The following MRPL1 variants were observed in gnomAD, a reference collection of about 807,000 sequenced individuals.
MRPL1 encodes large ribosomal subunit protein uL1m.
Under a neutral mutation model 38.0 loss-of-function variants are expected in MRPL1, and 28 were observed. That is an observed-to-expected ratio of 0.74 (90% CI 0.55 to 1.01). The LOEUF (loss-of-function observed/expected upper bound fraction) is 1.01, where lower values mean the gene tolerates loss of function less well. Ranked by LOEUF, MRPL1 falls within the 50% of genes least tolerant of loss-of-function variation. The pLI is 0.00. For synonymous variants in MRPL1, 123 were observed against 126.7 expected, an observed-to-expected ratio of 0.97 and a Z score of 0.20; for missense variants, 358 against 389.8, an observed-to-expected ratio of 0.92 and a Z score of 0.69.
At chr4:77,921,772 G>GTT (rs36001019) in intron 7 of MRPL1, among the ~76,000 whole-genome samples, 2 of 144,074 alleles carry the variant, frequency 1.4e-5, no homozygotes, top group Admixed American at 7.0e-5. Context: ...TTCGTGCAGA[G>GTT]TTTTTTTTTT....
At chr4:77,895,573 A>T (rs1371310878) in intron 6 of MRPL1, among the ~76,000 whole-genome samples, 1 of 152,156 alleles carries the variant, frequency 6.6e-6, no homozygotes, top group Admixed American at 6.5e-5. Flanking sequence ...CAAATATTTT[A>T]AAATTGTGTT....
chr4:77,893,602 TCAC>T (rs1443467949), intron 5 of MRPL1, among the ~76,000 whole-genome samples: 1 of 152,216 alleles, frequency 6.6e-6, no homozygotes, highest in African/African-American at 2.4e-5. Context: ...TTGTCTTTGA[TCAC>T]CACGTCTTCT....
chr4:77,932,366 CA>C (rs1736867510), intron 7 of MRPL1, among the ~76,000 whole-genome samples: 1 of 152,174 alleles, frequency 6.6e-6, no homozygotes, highest in Non-Finnish European at 1.5e-5. Context: ...TTCCCAACCA[CA>C]AAAGGCTCCT....
intron 7 of MRPL1, among the ~76,000 whole-genome samples, chr4:77,930,521 C>T (rs568700587): frequency 1.2e-4 from 18 of 152,250 alleles, no homozygotes; most frequent in South Asian, 4.1e-4. Context: ...TGATCTGAGG[C>T]GGAGCCGAGT....
chr4:77,889,659 CA>C (rs1190552918), intron 5 of MRPL1, among the ~76,000 whole-genome samples: 3 of 152,018 alleles, frequency 2.0e-5, no homozygotes, highest in Non-Finnish European at 2.9e-5. Flanking sequence ...GATAGAGATA[CA>C]AAAAACCCTT....
intron 7 of MRPL1, among the ~76,000 whole-genome samples, chr4:77,922,172 G>A (rs1291674078): frequency 6.6e-6 from 1 of 152,206 alleles, no homozygotes; most frequent in Admixed American, 6.5e-5. Context: ...GGAAGTGTAT[G>A]TAAGTAGTAG....
intron 2 of MRPL1, among the ~76,000 whole-genome samples, chr4:77,879,564 T>C (rs1349706993): frequency 6.6e-6 from 1 of 152,294 alleles, no homozygotes; most frequent in Non-Finnish European, 1.5e-5. Flanking sequence ...TAGGTTCCAC[T>C]ATGATTGAAA....
intron 7 of MRPL1, among the ~76,000 whole-genome samples, chr4:77,930,479 T>C (rs1250846583): frequency 1.3e-5 from 2 of 152,248 alleles, no homozygotes; most frequent in East Asian, 1.9e-4. Context: ...GGGATCTAGG[T>C]TGCATGCTCC....
intron 2 of MRPL1, among the ~76,000 whole-genome samples, chr4:77,882,030 C>A (rs900650546): frequency 6.6e-6 from 1 of 152,160 alleles, no homozygotes; most frequent in African/African-American, 2.4e-5. Flanking sequence ...TTCTCTTTTA[C>A]CGTTTTAGTT....
At chr4:77,937,558 G>A (rs1189579141) in intron 7 of MRPL1, among the ~76,000 whole-genome samples, 1 of 152,130 alleles carries the variant, frequency 6.6e-6, no homozygotes, top group Non-Finnish European at 1.5e-5. Flanking sequence ...CCTTCATATA[G>A]CACATGTTCA....
At chr4:77,930,781 G>A (rs1451865409) in intron 7 of MRPL1, among the ~76,000 whole-genome samples, 1 of 152,128 alleles carries the variant, frequency 6.6e-6, no homozygotes, top group African/African-American at 2.4e-5. Flanking sequence ...TTTAGTCCGT[G>A]TATGTCCTGC....
intron 1 of MRPL1, among the ~76,000 whole-genome samples, chr4:77,870,926 G>A (rs1475211236): frequency 6.6e-6 from 1 of 152,046 alleles, no homozygotes; most frequent in Non-Finnish European, 1.5e-5. Context: ...CACAGATCCA[G>A]TACCCCACTT....
chr4:77,884,065 A>T (rs1735616550), intron 3 of MRPL1, among the ~76,000 whole-genome samples: 1 of 152,180 alleles, frequency 6.6e-6, no homozygotes, highest in African/African-American at 2.4e-5. Context: ...AATTTCAACA[A>T]AAGTAGTGTT....
intron 7 of MRPL1, among the ~76,000 whole-genome samples, chr4:77,948,988 C>G (rs1286524667): frequency 6.6e-6 from 1 of 152,164 alleles, no homozygotes; most frequent in East Asian, 1.9e-4. Context: ...CCAGGCAGGT[C>G]TCAAACTCCT....
chr4:77,917,810 C>G (rs1736455126), intron 7 of MRPL1, among the ~76,000 whole-genome samples: 1 of 152,094 alleles, frequency 6.6e-6, no homozygotes, highest in Non-Finnish European at 1.5e-5. Flanking sequence ...GATCCCAGCA[C>G]TTTCGGAAGC....
In MRPL1 at chr4:77,892,430, C is replaced by G. The variant is rs138610914; in HGVS notation, c.559-1709C>G. Among the ~76,000 whole-genome samples the G allele has an allele frequency of 5.4e-3, 817 of 152,022 alleles. 7 individuals carry two copies. The highest frequency in any genetic ancestry group is 0.019 in the African/African-American group (768 of 41,480). On this transcript the variant is annotated intron_variant, in intron 5 of 8. Transcript: ENST00000315567. ...ATTACAGGTGTGAGCCACCGCACCACGTAGTAATTTCTTAGATAACACATT... is the reference window on the plus strand; with the variant it reads ...ATTACAGGTGTGAGCCACCGCACCAGGTAGTAATTTCTTAGATAACACATT...
At chr4:77,918,219 A>G (rs1274223830) in intron 7 of MRPL1, among the ~76,000 whole-genome samples, 1 of 152,188 alleles carries the variant, frequency 6.6e-6, no homozygotes, top group African/African-American at 2.4e-5. Context: ...TCGTATTTCA[A>G]AATAACATGC....
chr4:77,878,650 C>T (rs1417681091), intron 2 of MRPL1, among the ~76,000 whole-genome samples: 5 of 152,106 alleles, frequency 3.3e-5, no homozygotes, highest in South Asian at 4.2e-4. Flanking sequence ...GAGGCCGAGG[C>T]GGGCAGATCA....
intron 7 of MRPL1, among the ~76,000 whole-genome samples, chr4:77,926,612 C>CTTT (rs113752899): frequency 2.2e-5 from 3 of 134,944 alleles, no homozygotes; most frequent in Admixed American, 7.2e-5. Context: ...TTCTTTTTTA[C>CTTT]TTTTTTTTTT....
Sources: allele counts gnomAD v4.1 joint callset (sites outside exome capture counted in the v4.1 genomes callset), GRCh38; gene constraint gnomAD v4.1.1; transcripts MANE v1.5; gene names NCBI Gene and HGNC (gene_info 2026-07-23, HGNC 2026-07-21).